TSHR: variants seen among roughly 807,000 people sequenced by gnomAD.
The protein encoded by TSHR is thyroid stimulating hormone receptor.
Under a neutral mutation model 64.1 loss-of-function variants are expected in TSHR, and 51 were observed. The ratio of observed to expected loss-of-function variants is 0.80; its 90% CI spans 0.64 to 1.01. TSHR has a LOEUF of 1.01. Among genes scored for constraint, TSHR ranks in the 50% least tolerant of loss-of-function variants. The pLI is 0.00. For synonymous variants in TSHR, 361 were observed against 361.9 expected (o/e 1.00, Z 0.03); for missense variants, 877 against 942.8 (o/e 0.93, Z 0.91).
rs1234720277 is a variant in TSHR at position 80,957,469 on chromosome 14, A to AC, written c.170+1619_170+1620insC. On this transcript the variant is annotated intron_variant, in intron 1 of 9. Coordinates refer to ENST00000298171, the MANE Select transcript of TSHR (RefSeq NM_000369.5). ...CTACTTAGACACTCAGAAAAAACAA[A>AC]AAAAAAAAAACTTAAGTGAATAAAT... is the stretch of plus-strand genomic sequence containing the variant. Among the ~76,000 whole-genome samples, 5 of 150,666 alleles carry AC rather than the reference A, an allele frequency of 3.3e-5. No homozygotes were observed. In the East Asian group the frequency reaches 9.6e-4, roughly 29 times the overall value.
At chr14:80,991,542 T>C (rs559625706) in intron 1 of TSHR, 1 of 398,530 alleles carries the variant, frequency 2.5e-6, no homozygotes, top group South Asian at 1.3e-4. Flanking sequence ...TATTGTCAGA[T>C]ATTGGAGAAG....
chr14:80,963,187 A>C (rs1220112060), intron 1 of TSHR, among the ~76,000 whole-genome samples: 2 of 152,228 alleles, frequency 1.3e-5, no homozygotes, highest in African/African-American at 4.8e-5. Context: ...TCTTAAACTC[A>C]ACACAAACAT....
At chr14:81,125,283 C>T (rs1247095803) in intron 8 of TSHR, among the ~76,000 whole-genome samples, 3 of 151,994 alleles carry the variant, frequency 2.0e-5, no homozygotes, top group African/African-American at 7.3e-5. Flanking sequence ...AAAGGCATGT[C>T]TATAGGAAAA....
chr14:81,068,717 G>A lies in TSHR; in HGVS notation c.317+389G>A, dbSNP rs566632277. Among the ~76,000 whole-genome samples the A allele has an allele frequency of 1.4e-4, 21 of 152,306 alleles. No homozygotes were observed. The South Asian group carries it at 4.4e-3, about 32-fold the overall frequency. On this transcript the variant is annotated intron_variant, in intron 3 of 9. Coordinates refer to ENST00000298171, the MANE Select transcript of TSHR (RefSeq NM_000369.5). ...AATTCGGAAAGAGAAGAGTTGCTTG[G>A]TGAGATTAGAATAGTAGGGAATTTA... is the stretch of plus-strand genomic sequence containing the variant.
chr14:81,135,473 T>C (rs1300117695), intron 8 of TSHR, among the ~76,000 whole-genome samples: 1 of 152,160 alleles, frequency 6.6e-6, no homozygotes, highest in Non-Finnish European at 1.5e-5. Context: ...AGTCACAAAG[T>C]TTTTGCAAAA....
At chr14:81,127,381 A>G (rs1383189411) in intron 8 of TSHR, among the ~76,000 whole-genome samples, 2 of 152,208 alleles carry the variant, frequency 1.3e-5, no homozygotes, top group African/African-American at 4.8e-5. Flanking sequence ...TTTATCTCCC[A>G]CAAGCAGCAT....
intron 1 of TSHR, among the ~76,000 whole-genome samples, chr14:80,979,932 G>A (rs745872935): frequency 1.1e-4 from 16 of 152,192 alleles, no homozygotes; most frequent in African/African-American, 2.6e-4. Context: ...ATGGGGTCTC[G>A]GTCTCTTGAG....
chr14:80,990,238 G>A (rs1216459337), intron 1 of TSHR, among the ~76,000 whole-genome samples: 4 of 152,232 alleles, frequency 2.6e-5, no homozygotes, highest in South Asian at 2.1e-4. Flanking sequence ...GCTTCCCAGC[G>A]AACCTGGAAA....
chr14:81,104,057 A>C (rs1304464915), intron 7 of TSHR: 1 of 985,340 alleles, frequency 1.0e-6, no homozygotes, highest in Non-Finnish European at 1.2e-6. Flanking sequence ...AGGATTAAGA[A>C]GGCTATTATT....
At chr14:81,137,188 G>T (rs959126894) in intron 8 of TSHR, among the ~76,000 whole-genome samples, 11 of 152,200 alleles carry the variant, frequency 7.2e-5, no homozygotes, top group African/African-American at 2.7e-4. Context: ...GGTCTGGAAT[G>T]TGTCTCAATC....
At chr14:81,034,128 A>G (rs1373194126) in intron 1 of TSHR, among the ~76,000 whole-genome samples, 1 of 152,224 alleles carries the variant, frequency 6.6e-6, no homozygotes, top group Non-Finnish European at 1.5e-5. Flanking sequence ...CCAGAGGTAG[A>G]GACCTGCTGC....
At chr14:81,084,044 G>T (rs1369956225) in intron 3 of TSHR, among the ~76,000 whole-genome samples, 1 of 152,096 alleles carries the variant, frequency 6.6e-6, no homozygotes, top group East Asian at 1.9e-4. Context: ...TTACAATTTG[G>T]ATTACAATTC....
intron 1 of TSHR, among the ~76,000 whole-genome samples, chr14:81,018,020 G>T (rs1327661964): frequency 6.6e-6 from 1 of 151,942 alleles, no homozygotes; most frequent in Non-Finnish European, 1.5e-5. Flanking sequence ...TAGTAGAGAT[G>T]AGGTTTCATC....
chr14:81,004,754 C>A (rs1256951259), intron 1 of TSHR, among the ~76,000 whole-genome samples: 3 of 152,150 alleles, frequency 2.0e-5, no homozygotes, highest in African/African-American at 7.2e-5. Context: ...GCCTGCCTGC[C>A]CCTCACTCTT....
intron 1 of TSHR, chr14:80,992,997 G>A (rs1044434996): frequency 6.6e-6 from 1 of 152,180 alleles, no homozygotes; most frequent in African/African-American, 2.4e-5. Flanking sequence ...GTAAATTCAG[G>A]TGACTCCATC....
At chr14:81,065,089 C>T (rs918832156) in intron 2 of TSHR, among the ~76,000 whole-genome samples, 2 of 152,046 alleles carry the variant, frequency 1.3e-5, no homozygotes, top group Non-Finnish European at 2.9e-5. Context: ...AAGAGGGAAA[C>T]AGGGACTCTC....
chr14:81,059,048 G>A (rs1886033049), intron 1 of TSHR, among the ~76,000 whole-genome samples: 1 of 152,090 alleles, frequency 6.6e-6, no homozygotes, highest in South Asian at 2.1e-4. Flanking sequence ...AAGGTTATGT[G>A]CATGCCGGAG....
rs575369771 is a variant in TSHR, at chr14:81,082,362, C to T, written c.318-5592C>T. Among the ~76,000 whole-genome samples the T allele has an allele frequency of 8.5e-4, 130 of 152,278 alleles. 1 individual carries two copies. In the Middle Eastern group the frequency reaches 0.01, roughly 12 times the overall value. ...AATGAACATCTAGGTTGCTTGGCAACGGTCATGTGCAATCCTGAGTTTGTC... is the reference window on the plus strand; with the variant it reads ...AATGAACATCTAGGTTGCTTGGCAATGGTCATGTGCAATCCTGAGTTTGTC... On this transcript the variant is annotated intron_variant, in intron 3 of 9. Transcript: ENST00000298171.
intron 1 of TSHR, chr14:81,012,819 T>G (rs1397335228): frequency 2.6e-5 from 4 of 151,920 alleles, no homozygotes; most frequent in Middle Eastern, 3.2e-3. Flanking sequence ...TTGTTTGAGT[T>G]CATTGTAGAT....
Sources: gnomAD v4.1 joint callset for allele counts (sites outside exome capture counted in the v4.1 genomes callset) on GRCh38, gnomAD v4.1.1 for gene constraint, MANE v1.5 for transcripts, NCBI Gene and HGNC (gene_info 2026-07-23, HGNC 2026-07-21) for gene names.